PARD3B: variants seen among roughly 807,000 people sequenced by gnomAD.
The protein encoded by PARD3B is par-3 family cell polarity regulator beta.
PARD3B carries 103 observed loss-of-function variants against 130.2 expected under a neutral mutation model. That is an observed-to-expected ratio of 0.79 (90% CI 0.67 to 0.93). The LOEUF is 0.93. PARD3B is among the 40% of genes least tolerant of loss of function. PARD3B has a pLI of 0.00. For synonymous variants in PARD3B, 583 were observed against 553.2 expected, an observed-to-expected ratio of 1.05 and a Z score of -0.76; for missense variants, 1,609 against 1,499.2, an observed-to-expected ratio of 1.07 and a Z score of -1.21.
chr2:205,228,390 C>T (rs973373496), intron 15 of PARD3B, among the ~76,000 whole-genome samples: 5 of 152,088 alleles, frequency 3.3e-5, no homozygotes, highest in Non-Finnish European at 5.9e-5. Context: ...GAATAAAAAG[C>T]GTTCTTTTTT....
At chr2:204,834,656 A>G (rs901424422) in intron 2 of PARD3B, among the ~76,000 whole-genome samples, 6 of 152,236 alleles carry the variant, frequency 3.9e-5, no homozygotes, top group Admixed American at 1.3e-4. Context: ...CAGTTCCACA[A>G]TGGGAGAGCC....
chr2:205,395,876 T>A (rs925040532), intron 18 of PARD3B, among the ~76,000 whole-genome samples: 2 of 152,208 alleles, frequency 1.3e-5, no homozygotes, highest in African/African-American at 4.8e-5. Context: ...CTCCACTAAC[T>A]CTGTCTCCTA....
intron 18 of PARD3B, among the ~76,000 whole-genome samples, chr2:205,306,823 A>C (rs2105920830): frequency 6.6e-6 from 1 of 152,354 alleles, no homozygotes; most frequent in South Asian, 2.1e-4. Flanking sequence ...AAGAACACAA[A>C]GCTGTTACCA....
intron 2 of PARD3B, among the ~76,000 whole-genome samples, chr2:204,727,281 A>T (rs1559093128): frequency 6.6e-6 from 1 of 152,208 alleles, no homozygotes; most frequent in Non-Finnish European, 1.5e-5. Flanking sequence ...ATGAGGATTC[A>T]TTAAGAGCCT....
intron 18 of PARD3B, among the ~76,000 whole-genome samples, chr2:205,302,280 A>G (rs1374323650): frequency 3.3e-5 from 5 of 151,370 alleles, no homozygotes; most frequent in East Asian, 2.0e-4. Context: ...GTGGGCCAGG[A>G]GTCTTGAACT....
chr2:204,952,870 G>T (rs758850685), intron 2 of PARD3B, among the ~76,000 whole-genome samples: 1 of 151,648 alleles, frequency 6.6e-6, no homozygotes, highest in Non-Finnish European at 1.5e-5. Context: ...GGTGGTGGGC[G>T]CTTGTAGTCC....
intron 2 of PARD3B, among the ~76,000 whole-genome samples, chr2:204,888,474 A>G (rs1256545087): frequency 6.6e-6 from 1 of 152,176 alleles, no homozygotes; most frequent in Middle Eastern, 3.2e-3. Context: ...ACTCATCCCT[A>G]TAATCCTGGT....
intron 3 of PARD3B, among the ~76,000 whole-genome samples, chr2:204,989,707 T>C (rs1340853034): frequency 6.6e-6 from 1 of 152,202 alleles, no homozygotes; most frequent in Non-Finnish European, 1.5e-5. Context: ...TAAATGGAAG[T>C]ATACTGAAAA....
At chr2:204,941,854 A>G (rs200290312) in intron 2 of PARD3B, among the ~76,000 whole-genome samples, 2 of 152,040 alleles carry the variant, frequency 1.3e-5, no homozygotes, top group East Asian at 3.9e-4. Context: ...ATATATATAT[A>G]TTTAAATTAT....
intron 19 of PARD3B, among the ~76,000 whole-genome samples, chr2:205,420,594 G>C (rs1010486934): frequency 6.6e-6 from 1 of 152,104 alleles, no homozygotes; most frequent in African/African-American, 2.4e-5. Flanking sequence ...TGGGTGAGGA[G>C]GATGCTGCCT....
At chr2:205,414,067 T>A (rs1393626921) in intron 19 of PARD3B, among the ~76,000 whole-genome samples, 1 of 152,094 alleles carries the variant, frequency 6.6e-6, no homozygotes, top group Non-Finnish European at 1.5e-5. Flanking sequence ...CTGATTGTAT[T>A]TTGGGGGCAG....
rs144105453 is a variant in PARD3B at position 205,167,534 on chromosome 2, A to G, written c.1621-4677A>G. 9.8e-5 allele frequency among the ~76,000 whole-genome samples: 15 copies of G among 152,314 alleles called. No individual in the cohort carries two copies. In the East Asian group the frequency reaches 2.7e-3, roughly 27 times the overall value. On this transcript the variant is annotated intron_variant, in intron 11 of 22. Coordinates refer to ENST00000406610, the MANE Select transcript of PARD3B (RefSeq NM_001302769.2). ...TTAGAAACATGACTTGTAACAATTC[A>G]TTTAACCTCTCTGACTGCAATTTCT...
rs1696637335 is a variant in PARD3B at position 205,021,833 on chromosome 2, G to A, written c.395-25748G>A. Among the ~76,000 whole-genome samples the A allele has an allele frequency of 6.6e-6, 1 of 152,056 alleles. No individual in the cohort carries two copies. The highest frequency in any genetic ancestry group is 2.4e-5 in the African/African-American group (1 of 41,432). On this transcript the variant is annotated intron_variant, in intron 3 of 22. Transcript: ENST00000406610. The surrounding 1 kb of genome is among the most constrained non-coding windows in gnomAD (Gnocchi z 4.5). ...GAACTCAGGTCCCTTGGATTCTGTA[G>A]CACTGGTTTTATTCCTACACTTTAC...
At chr2:205,191,293 T>G (rs2125801285) in intron 14 of PARD3B, among the ~76,000 whole-genome samples, 1 of 152,246 alleles carries the variant, frequency 6.6e-6, no homozygotes, top group South Asian at 2.1e-4. Context: ...ATAACGTAAC[T>G]TACGTATCTT....
At position 205,268,255 on chromosome 2, in the gene PARD3B, G is replaced by A. The variant is rs1284906868; in HGVS notation, c.2185+22433G>A. 6.6e-6 allele frequency among the ~76,000 whole-genome samples: 1 copy of A among 152,224 alleles called. No individual in the cohort carries two copies. The highest frequency in any genetic ancestry group is 1.5e-5 in the Non-Finnish European group (1 of 68,046). On this transcript the variant is annotated intron_variant, in intron 16 of 22. Coordinates refer to ENST00000406610, the MANE Select transcript of PARD3B (RefSeq NM_001302769.2). The surrounding 1 kb of genome is among the most constrained non-coding windows in gnomAD (Gnocchi z 4.1). ...CATCACGATGTCTTGTGACATACATGCATTAGTGAAAGTAAATAAGCATGA... is the reference window on the plus strand; with the variant it reads ...CATCACGATGTCTTGTGACATACATACATTAGTGAAAGTAAATAAGCATGA...
intron 2 of PARD3B, among the ~76,000 whole-genome samples, chr2:204,769,469 TG>T (rs1441227086): frequency 1.8e-4 from 5 of 28,206 alleles, no homozygotes; most frequent in Non-Finnish European, 2.6e-4. Context: ...TTCTCTTTTT[TG>T]GTTGTGTCTC....
intron 19 of PARD3B, among the ~76,000 whole-genome samples, chr2:205,408,227 C>G (rs2046476812): frequency 6.6e-6 from 1 of 152,162 alleles, no homozygotes; most frequent in Non-Finnish European, 1.5e-5. Context: ...TAAATCAATA[C>G]ATGTGTTTTT....
At chr2:204,629,629 C>T (rs996197916) in intron 1 of PARD3B, among the ~76,000 whole-genome samples, 3 of 151,950 alleles carry the variant, frequency 2.0e-5, no homozygotes, top group Middle Eastern at 3.4e-3. Flanking sequence ...ATAGTAGCAG[C>T]AGCAACAACA....
intron 1 of PARD3B, 58 bp from the exon 2 acceptor site, chr2:204,686,123 A>G (rs374749040): frequency 4.2e-5 from 50 of 1,193,398 alleles, no homozygotes; most frequent in African/African-American, 9.1e-5. Context: ...TAACATTAAA[A>G]TGTGTTTAAC....
Sources: allele counts gnomAD v4.1 joint callset (sites outside exome capture counted in the v4.1 genomes callset), GRCh38; gene constraint gnomAD v4.1.1; non-coding constraint Gnocchi (gnomAD v3.1); transcripts MANE v1.5; gene names NCBI Gene and HGNC (gene_info 2026-07-23, HGNC 2026-07-21).